Variants in GNB4 observed in about 807,000 individuals in gnomAD.
GNB4 encodes G protein subunit beta 4.
In GNB4, 28 loss-of-function variants were observed where a neutral mutation model predicts 45.2. That is an observed-to-expected ratio of 0.62 (90% confidence interval 0.46 to 0.85). GNB4 has a LOEUF of 0.85. GNB4 is among the 40% of genes least tolerant of loss of function. The pLI, the probability that GNB4 is intolerant of heterozygous loss-of-function variation, is 0.00. For synonymous variants in GNB4, 132 were observed against 143.7 expected, an observed-to-expected ratio of 0.92 and a Z score of 0.58; for missense variants, 321 against 425.4, an observed-to-expected ratio of 0.75 and a Z score of 2.16.
At chr3:179,483,215 C>G in the GNB4 span, among the ~76,000 whole-genome samples, 2 of 151,832 alleles carry the variant, frequency 1.3e-5, no homozygotes, top group Non-Finnish European at 2.9e-5. Flanking sequence ...TTTTTCCCTT[C>G]TAATGCTTGA....
In GNB4 at chr3:179,401,085, T is replaced by C. The variant is rs1260730416; in HGVS notation, c.*128A>G. On this transcript the variant is annotated 3_prime_UTR_variant, in exon 10 of 10. Transcript: ENST00000232564. ...TTTTTTTTGGTAGTTTACTGAAAGCTTGTTTTTGTAGATAATCTAATAGAA... is the reference window on the plus strand; with the variant it reads ...TTTTTTTTGGTAGTTTACTGAAAGCCTGTTTTTGTAGATAATCTAATAGAA... The C allele has an allele frequency of 1.7e-6, 1 of 571,826 alleles. No individual in the cohort carries two copies. 35.4% of individuals were successfully genotyped at this position (571,826 alleles called of 1,614,324 possible). A position where few individuals can be genotyped will look rare whatever the true frequency, so the allele number is the denominator to read the frequency against.
At chr3:179,443,523 A>G (rs1462231658) in intron 1 of GNB4, among the ~76,000 whole-genome samples, 1 of 152,202 alleles carries the variant, frequency 6.6e-6, no homozygotes. Context: ...TGGGTGACTG[A>G]GTGAGACGTC....
the GNB4 span, among the ~76,000 whole-genome samples, chr3:179,474,261 G>C: frequency 6.6e-6 from 1 of 151,738 alleles, no homozygotes; most frequent in South Asian, 2.1e-4. Context: ...GTCTTGCTCT[G>C]TCTCCCAGGC....
At chr3:179,428,452 T>C (rs1409263014) in intron 1 of GNB4, among the ~76,000 whole-genome samples, 1 of 152,192 alleles carries the variant, frequency 6.6e-6, no homozygotes, top group African/African-American at 2.4e-5. Flanking sequence ...GCGGGCTCTT[T>C]AAAGCCGCAA....
chr3:179,448,148 T>A (rs957410580), intron 1 of GNB4, among the ~76,000 whole-genome samples: 6 of 152,134 alleles, frequency 3.9e-5, no homozygotes, highest in African/African-American at 1.2e-4. Context: ...CTACATGGAG[T>A]CCCTTCAAAG....
At chr3:179,500,687 T>A in the GNB4 span, among the ~76,000 whole-genome samples, 1 of 152,254 alleles carries the variant, frequency 6.6e-6, no homozygotes, top group Non-Finnish European at 1.5e-5. Context: ...ATGGCCATTT[T>A]CACAATATTG....
At chr3:179,413,649 C>A (rs371996539) in intron 7 of GNB4, 36 bp from the exon 8 acceptor site, 14 of 1,611,544 alleles carry the variant, frequency 8.7e-6, no homozygotes, top group South Asian at 6.6e-5. Flanking sequence ...ACAATTACTT[C>A]TTCTTATGTC....
the GNB4 span, among the ~76,000 whole-genome samples, chr3:179,495,659 G>A: frequency 6.6e-6 from 1 of 151,588 alleles, no homozygotes; most frequent in Non-Finnish European, 1.5e-5. Flanking sequence ...GGGAAGGAAG[G>A]AAGGAAGGGA....
chr3:179,486,157 G>T, the GNB4 span, among the ~76,000 whole-genome samples: 2 of 146,872 alleles, frequency 1.4e-5, no homozygotes, highest in Admixed American at 1.4e-4. Flanking sequence ...GGAGGCAGAG[G>T]TTGCAGTGAG....
At chr3:179,487,981 G>C in the GNB4 span, among the ~76,000 whole-genome samples, 10 of 151,774 alleles carry the variant, frequency 6.6e-5, no homozygotes, top group African/African-American at 1.9e-4. Context: ...AACTCAGGAG[G>C]CAGAGGTTGC....
rs368877556 is a variant in GNB4, at chr3:179,414,647, T to C, written c.430+238A>G. ...GCTTTATTTTTCATGAGTTTGAATT[T>C]TGTGCAGTAAATTTATCATTTTTTA... On this transcript the variant is annotated intron_variant, in intron 6 of 9. Coordinates refer to ENST00000232564, the MANE Select transcript of GNB4 (RefSeq NM_021629.4). 3.5e-4 allele frequency among the ~76,000 whole-genome samples: 54 copies of C among 152,354 alleles called. 1 individual carries two copies. The South Asian group carries it at 0.011, about 30-fold the overall frequency.
chr3:179,517,215 C>G, the GNB4 span, among the ~76,000 whole-genome samples: 1 of 152,106 alleles, frequency 6.6e-6, no homozygotes, highest in African/African-American at 2.4e-5. Context: ...GATGATATTA[C>G]CTTGTGAAAT....
intron 4 of GNB4, among the ~76,000 whole-genome samples, chr3:179,416,844 C>T (rs577874834): frequency 6.6e-6 from 1 of 152,296 alleles, no homozygotes; most frequent in African/African-American, 2.4e-5. Context: ...TGGATATTAG[C>T]TGACTGGTTT....
chr3:179,471,712 C>CA, the GNB4 span, among the ~76,000 whole-genome samples: 1 of 152,160 alleles, frequency 6.6e-6, no homozygotes, highest in Non-Finnish European at 1.5e-5. Context: ...TTTCTAGTCA[C>CA]CCATAGTTGA....
the GNB4 span, among the ~76,000 whole-genome samples, chr3:179,513,163 G>T: frequency 1.3e-5 from 2 of 150,178 alleles, no homozygotes. Context: ...ACTAAAGAAA[G>T]GATAAGGCAT....
intron 3 of GNB4, among the ~76,000 whole-genome samples, 165 bp downstream of exon 3, chr3:179,420,724 C>G (rs1436177640): frequency 6.6e-6 from 1 of 151,990 alleles, no homozygotes; most frequent in Non-Finnish European, 1.5e-5. Context: ...TTTTAAAAAG[C>G]ACTCGCACTG....
chr3:179,483,686 C>A, the GNB4 span, among the ~76,000 whole-genome samples: 2 of 152,044 alleles, frequency 1.3e-5, no homozygotes, highest in Non-Finnish European at 2.9e-5. Flanking sequence ...TAAATATAAC[C>A]ACTGTTAAGA....
At chr3:179,411,031 A>T (rs1714636292) in intron 8 of GNB4, among the ~76,000 whole-genome samples, 1 of 152,212 alleles carries the variant, frequency 6.6e-6, no homozygotes, top group African/African-American at 2.4e-5. Flanking sequence ...TACCTTAATA[A>T]AGTAGGGGCT....
chr3:179,404,054 G>A (rs1272183219), intron 9 of GNB4, among the ~76,000 whole-genome samples: 1 of 151,980 alleles, frequency 6.6e-6, no homozygotes, highest in Non-Finnish European at 1.5e-5. Context: ...GATCCGCTCC[G>A]AGACACATCA....
Sources: allele counts gnomAD v4.1 joint callset (sites outside exome capture counted in the v4.1 genomes callset), GRCh38; gene constraint gnomAD v4.1.1; transcripts MANE v1.5; gene names NCBI Gene and HGNC (gene_info 2026-07-23, HGNC 2026-07-21).